The following GRIP1 variants were observed in gnomAD, a reference collection of about 807,000 sequenced individuals.
The protein encoded by GRIP1 is glutamate receptor-interacting protein 1.
Under a neutral mutation model 129.9 loss-of-function variants are expected in GRIP1, and 45 were observed. The observed-to-expected ratio is 0.35, with a 90% CI of 0.27 to 0.44. The LOEUF is 0.44. Ranked by LOEUF, GRIP1 falls within the 20% of genes least tolerant of loss-of-function variation. The pLI, the probability that GRIP1 is intolerant of heterozygous loss-of-function variation, is 1.00. For missense variants in GRIP1, 1,196 were observed against 1,396.8 expected (o/e 0.86, Z 2.29); for synonymous variants, 530 against 520.8 (o/e 1.02, Z -0.24).
intron 1 of GRIP1, among the ~76,000 whole-genome samples, chr12:66,760,207 C>T (rs923704004): frequency 2.0e-5 from 3 of 152,104 alleles, no homozygotes; most frequent in South Asian, 2.1e-4. Flanking sequence ...AGGTTCCAAA[C>T]TTTCCCACAT....
intron 1 of GRIP1, among the ~76,000 whole-genome samples, chr12:66,704,231 A>G (rs904282358): frequency 2.6e-5 from 4 of 152,136 alleles, no homozygotes; most frequent in African/African-American, 9.7e-5. Flanking sequence ...CTAGAAAAAC[A>G]TTTAGGTGAA....
At chr12:66,997,327 C>G (rs1236522090) in intron 1 of GRIP1, among the ~76,000 whole-genome samples, 1 of 151,864 alleles carries the variant, frequency 6.6e-6, no homozygotes, top group East Asian at 1.9e-4. Context: ...GTCTGTAATT[C>G]TGGCTACTTG....
chr12:66,540,629 T>C (rs989624118), intron 3 of GRIP1, among the ~76,000 whole-genome samples: 1 of 152,192 alleles, frequency 6.6e-6, no homozygotes, highest in Non-Finnish European at 1.5e-5. Context: ...AGTTTATAAA[T>C]TGTACAAACA....
chr12:66,374,118 T>C (rs746891135), intron 22 of GRIP1, among the ~76,000 whole-genome samples: 25 of 152,228 alleles, frequency 1.6e-4, no homozygotes, highest in Admixed American at 3.9e-4. Flanking sequence ...AACCTTTCTT[T>C]ACTGGCTTCA....
chr12:66,968,029 A>C (rs1231535617), intron 1 of GRIP1, among the ~76,000 whole-genome samples: 1 of 152,148 alleles, frequency 6.6e-6, no homozygotes, highest in Non-Finnish European at 1.5e-5. Context: ...CTAGTGAAAG[A>C]GGGGTGTTGA....
intron 2 of GRIP1, among the ~76,000 whole-genome samples, chr12:66,572,673 C>T (rs748069397): frequency 9.2e-5 from 14 of 152,262 alleles, no homozygotes; most frequent in African/African-American, 2.2e-4. Flanking sequence ...TCTGGCTCAA[C>T]GCCTATTTCC....
intron 2 of GRIP1, among the ~76,000 whole-genome samples, chr12:66,575,182 G>A (rs1024313291): frequency 6.6e-6 from 1 of 152,168 alleles, no homozygotes; most frequent in African/African-American, 2.4e-5. Flanking sequence ...AGTGACTGAT[G>A]ATAACAGTGG....
At chr12:66,863,586 G>A (rs1034344503) in intron 1 of GRIP1, among the ~76,000 whole-genome samples, 1 of 152,042 alleles carries the variant, frequency 6.6e-6, no homozygotes, top group African/African-American at 2.4e-5. Flanking sequence ...AAAAGTCGGT[G>A]TAAATGTTCT....
intron 1 of GRIP1, among the ~76,000 whole-genome samples, chr12:66,852,212 T>C (rs926780957): frequency 2.0e-5 from 3 of 152,036 alleles, no homozygotes; most frequent in Admixed American, 1.3e-4. Flanking sequence ...AAAAATTATA[T>C]TTTACATTAA....
chr12:66,938,343 C>A (rs2137434588), intron 1 of GRIP1, among the ~76,000 whole-genome samples: 1 of 152,106 alleles, frequency 6.6e-6, no homozygotes, highest in Admixed American at 6.6e-5. Context: ...CCACGGCATT[C>A]CAGCCTGGTG....
At chr12:66,452,173 A>T (rs1034043048) in intron 11 of GRIP1, among the ~76,000 whole-genome samples, 3 of 152,172 alleles carry the variant, frequency 2.0e-5, no homozygotes, top group Non-Finnish European at 4.4e-5. Flanking sequence ...AACTAGCTAG[A>T]TCTGTTGCTC....
At chr12:66,736,059 G>A (rs2036586202) in intron 1 of GRIP1, among the ~76,000 whole-genome samples, 1 of 152,100 alleles carries the variant, frequency 6.6e-6, no homozygotes, top group African/African-American at 2.4e-5. Context: ...GTTGGGGAGG[G>A]CTGACCCCTG....
chr12:66,529,578 C>A (rs2061375827), intron 5 of GRIP1, among the ~76,000 whole-genome samples: 2 of 152,062 alleles, frequency 1.3e-5, no homozygotes, highest in Admixed American at 1.3e-4. Flanking sequence ...TAAGTAGGAG[C>A]TAAGCTATGA....
chr12:66,432,285 A>G (rs186649664), intron 14 of GRIP1, among the ~76,000 whole-genome samples: 63 of 152,212 alleles, frequency 4.1e-4, no homozygotes, highest in Non-Finnish European at 5.7e-4. Context: ...GATTTTATTC[A>G]ATAATTAAAA....
At chr12:66,718,706 G>T (rs931963454) in intron 1 of GRIP1, among the ~76,000 whole-genome samples, 2 of 152,054 alleles carry the variant, frequency 1.3e-5, no homozygotes, top group Non-Finnish European at 2.9e-5. Flanking sequence ...CAAAAAATTA[G>T]CCAGGCATGG....
At chr12:66,454,983 T>C (rs900671623) in intron 11 of GRIP1, among the ~76,000 whole-genome samples, 11 of 152,168 alleles carry the variant, frequency 7.2e-5, no homozygotes, top group Admixed American at 2.0e-4. Flanking sequence ...CATGAGAATC[T>C]TATATTTATC....
At chr12:66,714,912 CATCCATCCATCCA>C (rs1396782500) in intron 1 of GRIP1, among the ~76,000 whole-genome samples, 25 of 150,182 alleles carry the variant, frequency 1.7e-4, no homozygotes, top group South Asian at 4.2e-4. Flanking sequence ...TCCATCCATC[CATCCATCCATCCA>C]ATCCAATCCA....
At chr12:66,997,540 T>C (rs145130052) in intron 1 of GRIP1, among the ~76,000 whole-genome samples, 2 of 151,968 alleles carry the variant, frequency 1.3e-5, no homozygotes, top group Non-Finnish European at 2.9e-5. Context: ...GAAAATGGAA[T>C]AAGAATGATG....
intron 4 of GRIP1, among the ~76,000 whole-genome samples, chr12:66,537,249 A>G (rs1370673854): frequency 6.6e-6 from 1 of 152,202 alleles, no homozygotes; most frequent in Non-Finnish European, 1.5e-5. Context: ...AAACTAAGAC[A>G]TAGAAAGTGT....
Sources: gnomAD v4.1 joint callset for allele counts (sites outside exome capture counted in the v4.1 genomes callset) on GRCh38, gnomAD v4.1.1 for gene constraint, MANE v1.5 for transcripts, NCBI Gene and HGNC (gene_info 2026-07-23, HGNC 2026-07-21) for gene names.